STAT3: variants seen among roughly 807,000 people sequenced by gnomAD.
STAT3 encodes the protein signal transducer and activator of transcription 3.
Under a neutral mutation model 114.3 loss-of-function variants are expected in STAT3, and 7 were observed. The observed-to-expected ratio is 0.06, with a 90% CI of 0.03 to 0.11. STAT3 has a LOEUF of 0.11. Ranked by LOEUF, STAT3 falls within the 10% of genes least tolerant of loss-of-function variation. STAT3 has a pLI of 1.00. For missense variants in STAT3, 364 were observed against 960.9 expected (o/e 0.38, Z 8.21); for synonymous variants, 331 against 354.5 (o/e 0.93, Z 0.74).
In STAT3 at chr17:42,315,909, T is replaced by C. The variant is rs2081229855; in HGVS notation, c.2258-109A>G. 20 of 1,599,832 alleles carry C rather than the reference T, an allele frequency of 1.3e-5. 1 individual carries two copies. The highest frequency in any genetic ancestry group is 2.2e-5 in the South Asian group (2 of 89,972). On this transcript the variant is annotated intron_variant, in intron 23 of 23. Coordinates refer to ENST00000264657, the MANE Select transcript of STAT3 (RefSeq NM_139276.3). ...GGCCCAGGCTACCACTGCTATCCAA[T>C]CTCCTGCCCCTTAAGGCCCAGGGAT...
intron 5 of STAT3, 62 bp from the exon 6 acceptor site, chr17:42,338,874 T>TGGG: frequency 6.9e-7 from 1 of 1,458,286 alleles, no homozygotes; most frequent in Non-Finnish European, 9.5e-7. Context: ...GAACAGAAAA[T>TGGG]ATAAAGTTTC....
intron 1 of STAT3, among the ~76,000 whole-genome samples, chr17:42,374,453 C>CA (rs2084339924): frequency 6.6e-6 from 1 of 151,620 alleles, no homozygotes; most frequent in Non-Finnish European, 1.5e-5. Flanking sequence ...ACTAAAAATA[C>CA]AAAAAAATTA....
chr17:42,333,725 G>A lies in STAT3; in HGVS notation c.997C>T (p.Pro333Ser), dbSNP rs2144827897. ...VERQPCMPMHPDRPLVIKTGV... is the reference protein window; with the variant it reads ...VERQPCMPMHSDRPLVIKTGV... ...GTCTTGATGACGAGGGGCCGGTCAG[G>A]ATGCATGGGCATGCAGGGCTGCCGC... Residue 333 changes from proline to serine, a missense_variant, in exon 10 of 24, where the codon CCT becomes TCT. By Grantham distance (74) the Pro-to-Ser change is moderately conservative (BLOSUM62 -1). Transcript: ENST00000264657. This position sits in a 1 kb window ranked among gnomAD's most constrained non-coding sequence, Gnocchi z 5.2. 6.2e-7 allele frequency: 1 copy of A among 1,614,180 alleles called. No homozygotes were observed. The highest frequency in any genetic ancestry group is 8.5e-7 in the Non-Finnish European group (1 of 1,180,044).
rs1387907975 is a variant in STAT3 at position 42,333,089 on chromosome 17, A to G, written c.1049+584T>C. Among the ~76,000 whole-genome samples, 2 of 152,246 alleles carry G rather than the reference A, an allele frequency of 1.3e-5. No homozygotes were observed. Among genetic ancestry groups the G allele is most frequent in the East Asian group, 3.8e-4 (2 of 5,204 alleles). On this transcript the variant is annotated intron_variant, in intron 10 of 23. Coordinates refer to ENST00000264657, the MANE Select transcript of STAT3 (RefSeq NM_139276.3). This position sits in a 1 kb window ranked among gnomAD's most constrained non-coding sequence, Gnocchi z 5.2. ...AACAACTTAAAGTTGTGAGAGATTC[A>G]CAAAAGGATAATCAAAGCCATATAA...
rs76826917 is a variant in STAT3 at position 42,352,790 on chromosome 17, G to A, written c.-23-4251C>T. 2.9e-4 allele frequency among the ~76,000 whole-genome samples: 44 copies of A among 152,138 alleles called. 2 individuals are homozygous for A. The East Asian group carries it at 8.5e-3, about 29-fold the overall frequency. On this transcript the variant is annotated intron_variant, in intron 1 of 23. Coordinates refer to ENST00000264657, the MANE Select transcript of STAT3 (RefSeq NM_139276.3). ...AGATTCTATTGCATACAAATTTACT[G>A]AAACTCTAAACCTACACAGTCCAGT...
chr17:42,357,046 C>T (rs1445548356), intron 1 of STAT3, among the ~76,000 whole-genome samples: 1 of 152,044 alleles, frequency 6.6e-6, no homozygotes, highest in Non-Finnish European at 1.5e-5. Flanking sequence ...CCTCAGCCTC[C>T]CAGGGTGCTG....
chr17:42,340,483 A>T (rs2082399037), intron 4 of STAT3, among the ~76,000 whole-genome samples: 1 of 151,688 alleles, frequency 6.6e-6, no homozygotes, highest in South Asian at 2.1e-4. Context: ...CCCAGGGAAC[A>T]TAGAAAGAGA....
In STAT3 at chr17:42,329,572, A is replaced by G. The variant is rs769971732; in HGVS notation, c.1215T>C (p.Ser405=). ...CACATACCAAGTGTTTGAATTCTGC[A>G]GAGAGGCTGCCGTTGTTGGATTCTT... The part of the protein sequence containing the change: ...NMEESNNGSL[S]AEFKHLTLRE... The change falls in exon 13 of 24, where the codon TCT becomes TCC. Residue 405 remains serine (S), a synonymous_variant. Coordinates refer to ENST00000264657, the MANE Select transcript of STAT3 (RefSeq NM_139276.3). The G allele has an allele frequency of 3.1e-6, 5 of 1,614,246 alleles. No homozygotes were observed. Among genetic ancestry groups the G allele is most frequent in the Non-Finnish European group, 4.2e-6 (5 of 1,180,042 alleles).
chr17:42,378,756 C>A (rs971037211), intron 1 of STAT3, among the ~76,000 whole-genome samples: 3 of 152,056 alleles, frequency 2.0e-5, no homozygotes, highest in African/African-American at 7.2e-5. Context: ...GTTTGGTTTA[C>A]GGGAGAGGTA....
chr17:42,330,882 T>A (rs1598409288), intron 11 of STAT3, among the ~76,000 whole-genome samples: 1 of 152,174 alleles, frequency 6.6e-6, no homozygotes, highest in Non-Finnish European at 1.5e-5. Flanking sequence ...GGAAAGAATA[T>A]ATAACGACGT....
intron 4 of STAT3, among the ~76,000 whole-genome samples, chr17:42,344,731 AAAG>A (rs1054507156): frequency 2.0e-5 from 3 of 151,168 alleles, no homozygotes; most frequent in Non-Finnish European, 4.4e-5. Flanking sequence ...AAAAAAAAAA[AAAG>A]AGAGATGAGG....
intron 1 of STAT3, among the ~76,000 whole-genome samples, chr17:42,377,518 C>T (rs1460413920): frequency 6.6e-6 from 1 of 151,916 alleles, no homozygotes; most frequent in Non-Finnish European, 1.5e-5. Context: ...GGAACAACAC[C>T]CAGAGAATAA....
intron 1 of STAT3, among the ~76,000 whole-genome samples, chr17:42,380,992 T>C (rs1268681080): frequency 1.3e-5 from 2 of 152,336 alleles, no homozygotes; most frequent in African/African-American, 2.4e-5. Context: ...GTACTTGATA[T>C]GCATCATCTT....
chr17:42,331,385 CAG>C (rs2082004149), intron 11 of STAT3, 85 bp downstream of exon 11: 30 of 1,212,508 alleles, frequency 2.5e-5, no homozygotes, highest in Non-Finnish European at 3.0e-5. Context: ...TGAATAAAGA[CAG>C]AGTCTCTAGT....
intron 1 of STAT3, among the ~76,000 whole-genome samples, chr17:42,363,633 G>A (rs1246192441): frequency 1.4e-5 from 2 of 143,960 alleles, no homozygotes; most frequent in South Asian, 2.2e-4. Context: ...TTTTTTTTTG[G>A]TAGAGACTCA....
intron 14 of STAT3, among the ~76,000 whole-genome samples, chr17:42,328,985 A>G (rs923863023): frequency 6.6e-6 from 1 of 152,228 alleles, no homozygotes; most frequent in Non-Finnish European, 1.5e-5. Flanking sequence ...TTTATTTTAA[A>G]GTTTAACTCA....
In STAT3 at chr17:42,388,410, G is replaced by T; in HGVS notation, c.-155C>A. 2 of 1,231,732 alleles carry T rather than the reference G, an allele frequency of 1.6e-6. No homozygotes were observed. The highest frequency in any genetic ancestry group is 1.5e-5 in the African/African-American group (1 of 64,538). 76.3% of individuals were successfully genotyped at this position (1,231,732 alleles called of 1,614,324 possible). ...GCGCCAAGCCGGGGTGCCTGTCCAG[G>T]ATCCGGTTGGGGCTTGTTCCCTCGG... On this transcript the variant is annotated 5_prime_UTR_variant, in exon 1 of 24. Transcript: ENST00000264657.
intron 1 of STAT3, among the ~76,000 whole-genome samples, chr17:42,381,646 G>T (rs1326236200): frequency 6.6e-6 from 1 of 151,638 alleles, no homozygotes; most frequent in African/African-American, 2.4e-5. Context: ...GCAGGAGAGT[G>T]GCGTGAACCC....
In STAT3 at chr17:42,337,899, CT is replaced by C. The variant is rs1230343487; in HGVS notation, c.551-43del. On this transcript the variant is annotated intron_variant, in intron 6 of 23. Coordinates refer to ENST00000264657, the MANE Select transcript of STAT3 (RefSeq NM_139276.3). The surrounding 1 kb of genome is among the most constrained non-coding windows in gnomAD (Gnocchi z 4.0). ...AACTCCTTGACCTGAGGGAATACTC[CT>C]TGACCTGAGGGAATACTCCTTGACC... The C allele has an allele frequency of 1.2e-5, 18 of 1,509,028 alleles. No individual in the cohort carries two copies. In the African/African-American group the frequency reaches 2.8e-4, roughly 23 times the overall value. The allele number at this position is 1,509,028 out of a possible 1,614,324, so 93.5% of individuals were successfully genotyped here.
Sources: allele counts gnomAD v4.1 joint callset (sites outside exome capture counted in the v4.1 genomes callset), GRCh38; gene constraint gnomAD v4.1.1; non-coding constraint Gnocchi (gnomAD v3.1); transcripts MANE v1.5; gene names NCBI Gene and HGNC (gene_info 2026-07-23, HGNC 2026-07-21).